Variants in SYNPO2 observed in about 807,000 individuals in gnomAD.
The protein encoded by SYNPO2 is synaptopodin 2, also known as synaptopodin-2.
In SYNPO2, 56 loss-of-function variants were observed where a neutral mutation model predicts 85.0. The ratio of observed to expected loss-of-function variants is 0.66; its 90% CI spans 0.53 to 0.82. SYNPO2 has a LOEUF of 0.82. SYNPO2 is among the 40% of genes least tolerant of loss of function. SYNPO2 has a pLI of 0.00. For synonymous variants in SYNPO2, 602 were observed against 591.1 expected (o/e 1.02, Z -0.27); for missense variants, 1,575 against 1,534.2 (o/e 1.03, Z -0.44).
At chr4:118,887,510 G>T (rs998874888), upstream of SYNPO2, among the ~76,000 whole-genome samples, 2 of 152,110 alleles carry the variant, frequency 1.3e-5, no homozygotes, top group African/African-American at 4.8e-5. Flanking sequence ...TTTATTCCTT[G>T]ATTGAATCCA....
chr4:118,976,670 C>G (rs1471117452), intron 1 of SYNPO2, among the ~76,000 whole-genome samples: 1 of 152,162 alleles, frequency 6.6e-6, no homozygotes, highest in African/African-American at 2.4e-5. Context: ...ACAGGTTCTC[C>G]AAGGCCCCAC....
intron 1 of SYNPO2, among the ~76,000 whole-genome samples, chr4:118,866,674 C>T (rs1307634522): frequency 6.6e-6 from 1 of 152,176 alleles, no homozygotes; most frequent in Non-Finnish European, 1.5e-5. Context: ...GGACCTCCCC[C>T]TTGCTGTTCT....
intron 4 of SYNPO2, chr4:119,036,166 G>A (rs1357875053): frequency 1.3e-5 from 13 of 985,298 alleles, no homozygotes; most frequent in East Asian, 1.1e-4. Flanking sequence ...AGCAGGCAGG[G>A]CATTTGAAGT....
chr4:118,888,591 T>C (rs540130046), upstream of SYNPO2, among the ~76,000 whole-genome samples: 1 of 152,378 alleles, frequency 6.6e-6, no homozygotes, highest in Admixed American at 6.5e-5. Context: ...TGTCCTTTAC[T>C]ATTTACAGAA....
intron 1 of SYNPO2, among the ~76,000 whole-genome samples, chr4:118,989,811 G>A (rs989645640): frequency 3.3e-5 from 5 of 152,174 alleles, no homozygotes; most frequent in African/African-American, 7.2e-5. Flanking sequence ...TTGTGTTCAC[G>A]CAGGGACACA....
Position 118,951,099 on chromosome 4 carries a change from T to C in SYNPO2, c.105+61958T>C, listed in dbSNP as rs181498878. On this transcript the variant is annotated intron_variant, in intron 1 of 4. Transcript: ENST00000307142. ...ATTTATATCTCCTGTCTTATTTCTC[T>C]GTGTGCTTGGTCTATACAGACAGTG... Among the ~76,000 whole-genome samples, 235 of 152,370 alleles carry C rather than the reference T, an allele frequency of 1.5e-3. 2 individuals carry two copies. The highest frequency in any genetic ancestry group is 6.8e-3 in the Middle Eastern group (2 of 294).
chr4:118,980,911 C>G (rs561392091), intron 1 of SYNPO2, among the ~76,000 whole-genome samples: 1 of 152,324 alleles, frequency 6.6e-6, no homozygotes, highest in South Asian at 2.1e-4. Context: ...GAAACTGAGT[C>G]TGGAATGGTT....
At chr4:118,883,450 ATG>A (rs1183669920) in intron 1 of SYNPO2, among the ~76,000 whole-genome samples, 1 of 152,226 alleles carries the variant, frequency 6.6e-6, no homozygotes, top group Non-Finnish European at 1.5e-5. Flanking sequence ...AATGGAATAT[ATG>A]TGTTTCATAA....
At chr4:118,936,842 TG>T (rs1364319666) in intron 1 of SYNPO2, among the ~76,000 whole-genome samples, 6 of 152,168 alleles carry the variant, frequency 3.9e-5, no homozygotes, top group African/African-American at 1.4e-4. Flanking sequence ...ACAGGAGAAG[TG>T]GGAGGAAGTT....
upstream of SYNPO2, among the ~76,000 whole-genome samples, chr4:118,887,266 A>T (rs2149112071): frequency 6.6e-6 from 1 of 152,050 alleles, no homozygotes; most frequent in African/African-American, 2.4e-5. Flanking sequence ...CCTAAGCTGC[A>T]GGGAGAGGCT....
intron 4 of SYNPO2, among the ~76,000 whole-genome samples, chr4:119,048,476 G>C (rs955742903): frequency 6.6e-6 from 1 of 152,164 alleles, no homozygotes; most frequent in Non-Finnish European, 1.5e-5. Context: ...CTAGTGGAGA[G>C]AGAAAAATAA....
At position 118,941,311 on chromosome 4, in the gene SYNPO2, C is replaced by T. The variant is rs56722335; in HGVS notation, c.105+52170C>T. Among the ~76,000 whole-genome samples, 292 of 152,300 alleles carry T rather than the reference C, an allele frequency of 1.9e-3. 7 individuals are homozygous for T. In the East Asian group the frequency reaches 0.05, roughly 26 times the overall value. On this transcript the variant is annotated intron_variant, in intron 1 of 4. Coordinates refer to ENST00000307142, the MANE Select transcript of SYNPO2 (RefSeq NM_133477.3). ...TTGTCACGTTCTGTTCATTCCCAGT[C>T]ACCAACTGCATTCAGGACACTGTCA...
chr4:119,023,415 T>C lies in SYNPO2; in HGVS notation c.106-15T>C, dbSNP rs1220910683. 1 of 1,594,160 alleles carries C rather than the reference T, an allele frequency of 6.3e-7. No homozygotes were observed. Among genetic ancestry groups the C allele is most frequent in the Middle Eastern group, 1.7e-4 (1 of 5,944 alleles). ...TATATCATTCTACTATGTCTTCTTTTTTTACTCCACTCAGATTCGAAATCA... is the reference window on the plus strand; with the variant it reads ...TATATCATTCTACTATGTCTTCTTTCTTTACTCCACTCAGATTCGAAATCA... On this transcript the variant is annotated splice_polypyrimidine_tract_variant and intron_variant, in intron 1 of 4. Coordinates refer to ENST00000307142, the MANE Select transcript of SYNPO2 (RefSeq NM_133477.3).
intron 1 of SYNPO2, among the ~76,000 whole-genome samples, chr4:119,003,848 A>G (rs1292331194): frequency 2.0e-5 from 3 of 152,172 alleles, no homozygotes; most frequent in African/African-American, 7.2e-5. Context: ...TCCTCCTAGA[A>G]AGGTATAAAT....
At chr4:118,944,028 A>G (rs1734415002) in intron 1 of SYNPO2, among the ~76,000 whole-genome samples, 1 of 152,208 alleles carries the variant, frequency 6.6e-6, no homozygotes, top group South Asian at 2.1e-4. Context: ...TGTGCTTTTT[A>G]CATGTTAAAG....
chr4:118,975,535 C>T (rs1045365834), intron 1 of SYNPO2, among the ~76,000 whole-genome samples: 3 of 152,010 alleles, frequency 2.0e-5, no homozygotes, highest in African/African-American at 7.2e-5. Context: ...AGCAATCAGG[C>T]GAAATTCAAG....
At chr4:118,977,313 C>T (rs1207735251) in intron 1 of SYNPO2, among the ~76,000 whole-genome samples, 1 of 152,208 alleles carries the variant, frequency 6.6e-6, no homozygotes, top group Non-Finnish European at 1.5e-5. Context: ...CCCCATTGCC[C>T]GAGGCCGCAG....
At chr4:119,008,019 A>G (rs575387315) in intron 1 of SYNPO2, among the ~76,000 whole-genome samples, 1 of 152,302 alleles carries the variant, frequency 6.6e-6, no homozygotes, top group Non-Finnish European at 1.5e-5. Context: ...TGAAACACAA[A>G]TGGGAGACTA....
At chr4:118,943,887 T>C (rs1309620659) in intron 1 of SYNPO2, among the ~76,000 whole-genome samples, 1 of 152,198 alleles carries the variant, frequency 6.6e-6, no homozygotes, top group Non-Finnish European at 1.5e-5. Flanking sequence ...GGAACACTCA[T>C]ATTGAGGTGT....
Sources: allele counts gnomAD v4.1 joint callset (sites outside exome capture counted in the v4.1 genomes callset), GRCh38; gene constraint gnomAD v4.1.1; transcripts MANE v1.5; gene names NCBI Gene and HGNC (gene_info 2026-07-23, HGNC 2026-07-21).